DLC1: variants seen among roughly 807,000 people sequenced by gnomAD.
DLC1 encodes the protein DLC1 Rho GTPase activating protein, also known as rho GTPase-activating protein 7.
Under a neutral mutation model 140.3 loss-of-function variants are expected in DLC1, and 54 were observed. That is an observed-to-expected ratio of 0.38 (90% CI 0.31 to 0.48). The LOEUF (loss-of-function observed/expected upper bound fraction) is 0.48, where lower values mean the gene tolerates loss of function less well. Ranked by LOEUF, DLC1 falls within the 20% of genes least tolerant of loss-of-function variation. The pLI is 0.96. For missense variants in DLC1, 2,536 were observed against 1,907.0 expected, an observed-to-expected ratio of 1.33 and a Z score of -6.14; for synonymous variants, 986 against 728.1, an observed-to-expected ratio of 1.35 and a Z score of -5.70.
chr8:13,167,092 G>T (rs1186294088), intron 5 of DLC1, among the ~76,000 whole-genome samples: 2 of 152,072 alleles, frequency 1.3e-5, no homozygotes, highest in Non-Finnish European at 2.9e-5. Context: ...ATATTGAGCT[G>T]AACTACGCAA....
chr8:13,277,076 CT>C (rs1282845169), intron 5 of DLC1, among the ~76,000 whole-genome samples: 1 of 152,094 alleles, frequency 6.6e-6, no homozygotes, highest in Non-Finnish European at 1.5e-5. Flanking sequence ...TTCCCAGCAC[CT>C]GGAAAGGCTG....
rs1225372979 is a variant in DLC1, at chr8:13,091,399, T to A, written c.3774A>T (p.Pro1258=). Residue 1258 remains proline (P), a synonymous_variant, in exon 14 of 18, where the codon CCA becomes CCT. Coordinates refer to ENST00000276297, the MANE Select transcript of DLC1 (RefSeq NM_182643.3). ...GGTTTTCATTCAAATCTTTCTGATC[T>A]GGTTTGCCCAAACTTTGTTTTCTTT... ...VMQRKQSLGK[P]DQKDLNENLA... 5.0e-6 allele frequency: 8 copies of A among 1,614,190 alleles called. No individual in the cohort carries two copies. Among genetic ancestry groups the A allele is most frequent in the Non-Finnish European group, 6.8e-6 (8 of 1,180,030 alleles).
chr8:13,432,977 C>T (rs1304313251), intron 2 of DLC1, among the ~76,000 whole-genome samples: 1 of 96,128 alleles, frequency 1.0e-5, no homozygotes, highest in South Asian at 3.6e-4. Flanking sequence ...CTTTTTCAAA[C>T]ATAGGGGAGA....
At chr8:13,544,014 T>TA (rs1336669873) in intron 1 of DLC1, among the ~76,000 whole-genome samples, 2 of 151,694 alleles carry the variant, frequency 1.3e-5, no homozygotes, top group African/African-American at 4.8e-5. Context: ...TACAAAAATT[T>TA]AAAAAAATAA....
intron 5 of DLC1, among the ~76,000 whole-genome samples, chr8:13,197,045 T>C (rs1186378568): frequency 2.6e-5 from 4 of 152,242 alleles, no homozygotes; most frequent in Non-Finnish European, 4.4e-5. Context: ...GATGAATGAA[T>C]GAATGAGAAC....
chr8:13,381,286 G>A (rs1197567479), intron 4 of DLC1, among the ~76,000 whole-genome samples: 1 of 152,198 alleles, frequency 6.6e-6, no homozygotes, highest in Non-Finnish European at 1.5e-5. Flanking sequence ...GGGAGAAGAT[G>A]AAAGTGTTCA....
rs566976024 is a variant in DLC1, at chr8:13,566,932, G to A, written c.-126+37605C>T. On this transcript the variant is annotated intron_variant, in intron 1 of 1. Transcript: ENST00000631382. ...TCCCGGAGGGGTCAGCTCCTGACGGGTTCCTGAGCCAGTCTTAACCTGGGC... is the reference window on the plus strand; with the variant it reads ...TCCCGGAGGGGTCAGCTCCTGACGGATTCCTGAGCCAGTCTTAACCTGGGC... The A allele has an allele frequency of 4.1e-6, 6 of 1,470,746 alleles. No homozygotes were observed. In the African/African-American group the frequency reaches 7.1e-5, roughly 17 times the overall value. The allele number at this position is 1,470,746 out of a possible 1,614,324, so 91.1% of individuals were successfully genotyped here.
intron 5 of DLC1, among the ~76,000 whole-genome samples, chr8:13,235,883 CA>C (rs1430981885): frequency 6.6e-6 from 1 of 151,842 alleles, no homozygotes; most frequent in African/African-American, 2.4e-5. Context: ...AAATAGCTGA[CA>C]TCTATTTTCA....
intron 4 of DLC1, among the ~76,000 whole-genome samples, chr8:13,384,322 C>T (rs1396061164): frequency 7.2e-6 from 1 of 138,546 alleles, no homozygotes; most frequent in African/African-American, 2.6e-5. Flanking sequence ...ACAATCTTCC[C>T]TCGATGCAGG....
At chr8:13,266,671 G>T (rs1477870981) in intron 5 of DLC1, among the ~76,000 whole-genome samples, 4 of 152,102 alleles carry the variant, frequency 2.6e-5, no homozygotes, top group Non-Finnish European at 5.9e-5. Flanking sequence ...CTTGAATCTG[G>T]AAGGCAGAAG....
chr8:13,289,340 G>A (rs1396371365), intron 5 of DLC1, among the ~76,000 whole-genome samples: 2 of 152,134 alleles, frequency 1.3e-5, no homozygotes, highest in African/African-American at 4.8e-5. Context: ...ACAGGGGTGT[G>A]CCTTTGCACC....
intron 8 of DLC1, 39 bp from the exon 9 acceptor site, chr8:13,100,809 G>A: frequency 1.3e-6 from 2 of 1,521,434 alleles, no homozygotes; most frequent in South Asian, 1.3e-5. Context: ...CACTGGGGCT[G>A]GCAGCCAGCA....
intron 1 of DLC1, among the ~76,000 whole-genome samples, chr8:13,571,777 G>A (rs1303094599): frequency 6.6e-6 from 1 of 152,202 alleles, no homozygotes; most frequent in Non-Finnish European, 1.5e-5. Flanking sequence ...TTTTGAGGAA[G>A]TGACACATTA....
chr8:13,287,087 A>T (rs537979681), intron 5 of DLC1, among the ~76,000 whole-genome samples: 13 of 151,844 alleles, frequency 8.6e-5, no homozygotes, highest in African/African-American at 3.1e-4. Context: ...AATTTAAGAA[A>T]TGTGGTGGGA....
intron 1 of DLC1, among the ~76,000 whole-genome samples, chr8:13,537,295 C>T (rs1803314976): frequency 6.6e-6 from 1 of 152,164 alleles, no homozygotes; most frequent in Non-Finnish European, 1.5e-5. Flanking sequence ...CATTCAGGCC[C>T]TCCACAATAA....
At chr8:13,352,312 C>G (rs1005765564) in intron 4 of DLC1, among the ~76,000 whole-genome samples, 4 of 152,196 alleles carry the variant, frequency 2.6e-5, no homozygotes, top group Admixed American at 1.3e-4. Flanking sequence ...ATCCATTCAG[C>G]TTCATAAGTG....
At chr8:13,443,489 C>G (rs1327460649) in intron 2 of DLC1, among the ~76,000 whole-genome samples, 1 of 151,154 alleles carries the variant, frequency 6.6e-6, no homozygotes, top group Middle Eastern at 3.4e-3. Context: ...GAAACCCCGT[C>G]TCTACTAAAT....
At chr8:13,463,683 T>C (rs1372886568) in intron 2 of DLC1, among the ~76,000 whole-genome samples, 1 of 152,220 alleles carries the variant, frequency 6.6e-6, no homozygotes, top group Non-Finnish European at 1.5e-5. Flanking sequence ...GTTGTTCTAA[T>C]AGCCACTCAT....
chr8:13,275,728 A>G (rs1314847998), intron 5 of DLC1, among the ~76,000 whole-genome samples: 1 of 152,156 alleles, frequency 6.6e-6, no homozygotes, highest in East Asian at 1.9e-4. Context: ...CATACATGAC[A>G]CCGTCTTGGA....
Sources: allele counts gnomAD v4.1 joint callset (sites outside exome capture counted in the v4.1 genomes callset), GRCh38; gene constraint gnomAD v4.1.1; transcripts MANE v1.5; gene names NCBI Gene and HGNC (gene_info 2026-07-23, HGNC 2026-07-21).